Variants in RNF144A observed in about 807,000 individuals in gnomAD.
RNF144A encodes the protein E3 ubiquitin-protein ligase RNF144A.
In RNF144A, 11 loss-of-function variants were observed where a neutral mutation model predicts 38.7. That is an observed-to-expected ratio of 0.28 (90% confidence interval 0.18 to 0.47). The LOEUF (loss-of-function observed/expected upper bound fraction) is 0.47. Among genes scored for constraint, RNF144A ranks in the 20% least tolerant of loss-of-function variants. The probability of loss-of-function intolerance (pLI) is 0.99; values close to 1 mark genes in which losing one functional copy is unlikely to be tolerated. For missense variants in RNF144A, 316 were observed against 377.2 expected, an observed-to-expected ratio of 0.84 and a Z score of 1.34; for synonymous variants, 149 against 143.9, an observed-to-expected ratio of 1.04 and a Z score of -0.25.
At chr2:6,965,578 ACT>A (rs960420087) in intron 2 of RNF144A, among the ~76,000 whole-genome samples, 26 of 151,790 alleles carry the variant, frequency 1.7e-4, no homozygotes, top group Non-Finnish European at 3.4e-4. Context: ...TGGGGCGGTG[ACT>A]CTGTCTCAGT....
intron 3 of RNF144A, among the ~76,000 whole-genome samples, chr2:6,998,924 C>T (rs1158360870): frequency 2.0e-5 from 3 of 152,256 alleles, no homozygotes; most frequent in African/African-American, 7.2e-5. Context: ...TTTGCAGTCT[C>T]TGCAGTCGCC....
At chr2:6,992,683 G>C (rs1669471013) in intron 2 of RNF144A, among the ~76,000 whole-genome samples, 2 of 152,148 alleles carry the variant, frequency 1.3e-5, no homozygotes, top group African/African-American at 4.8e-5. Flanking sequence ...AAGAATAGGG[G>C]CCTACAGAGG....
In RNF144A at chr2:7,043,459, C is replaced by A; in HGVS notation, c.*3699C>A. 1.0e-6 allele frequency: 1 copy of A among 985,604 alleles called. No individual in the cohort carries two copies. The highest frequency in any genetic ancestry group is 1.2e-6 in the Non-Finnish European group (1 of 829,880). The allele number at this position is 985,604 out of a possible 1,614,324, so 61.1% of individuals were successfully genotyped here. A position where few individuals can be genotyped will look rare whatever the true frequency, so the allele number is the denominator to read the frequency against. On this transcript the variant is annotated 3_prime_UTR_variant, in exon 9 of 9. Coordinates refer to ENST00000320892, the MANE Select transcript of RNF144A (RefSeq NM_014746.6). Reference sequence around the variant, plus strand: ...AGATTCTCATTTATTAGTGAGCACACCTGTGTATATATATAAATCACAAGG... The same window carrying A: ...AGATTCTCATTTATTAGTGAGCACAACTGTGTATATATATAAATCACAAGG...
downstream of RNF144A, among the ~76,000 whole-genome samples, chr2:7,045,947 T>C (rs769556482): frequency 6.6e-6 from 1 of 152,118 alleles, no homozygotes; most frequent in Non-Finnish European, 1.5e-5. Context: ...TTAAGCAAAA[T>C]AAATCCATAT....
chr2:7,034,176 C>A (rs1452044887), intron 8 of RNF144A, among the ~76,000 whole-genome samples: 6 of 152,010 alleles, frequency 3.9e-5, no homozygotes, highest in African/African-American at 1.2e-4. Context: ...TCTAATGACA[C>A]CTAATAGTTC....
intron 6 of RNF144A, among the ~76,000 whole-genome samples, chr2:7,067,492 T>C (rs1572504122): frequency 6.6e-6 from 1 of 152,256 alleles, no homozygotes; most frequent in Non-Finnish European, 1.5e-5. Flanking sequence ...AGAAATCTTT[T>C]TGATTGGCTG....
intron 2 of RNF144A, among the ~76,000 whole-genome samples, chr2:6,961,490 A>G (rs1667335874): frequency 6.6e-6 from 1 of 152,160 alleles, no homozygotes; most frequent in South Asian, 2.1e-4. Flanking sequence ...CCTGCGATCC[A>G]GAGTATTTGA....
intron 2 of RNF144A, among the ~76,000 whole-genome samples, chr2:6,990,481 T>C (rs916471259): frequency 7.0e-6 from 1 of 143,682 alleles, no homozygotes; most frequent in Non-Finnish European, 1.5e-5. Flanking sequence ...ATAATATATA[T>C]AGCATAGCAT....
At chr2:6,984,171 C>T (rs373677076) in intron 2 of RNF144A, among the ~76,000 whole-genome samples, 4 of 152,126 alleles carry the variant, frequency 2.6e-5, no homozygotes, top group Admixed American at 2.0e-4. Context: ...TGTATCTTAC[C>T]GATTTATCTA....
chr2:6,956,251 G>C (rs1173555428), intron 2 of RNF144A, among the ~76,000 whole-genome samples: 1 of 151,492 alleles, frequency 6.6e-6, no homozygotes, highest in Non-Finnish European at 1.5e-5. Context: ...TTTTTCGGGG[G>C]GTGGGGGATA....
chr2:7,072,557 T>C (rs537248556), downstream of RNF144A, among the ~76,000 whole-genome samples: 1 of 152,356 alleles, frequency 6.6e-6, no homozygotes, highest in South Asian at 2.1e-4. Context: ...CATCTGTCTC[T>C]CCTCTTCCTA....
intron 3 of RNF144A, among the ~76,000 whole-genome samples, chr2:7,000,917 A>G (rs1670058152): frequency 6.6e-6 from 1 of 151,672 alleles, no homozygotes; most frequent in Admixed American, 6.6e-5. Flanking sequence ...CTATTTTTAT[A>G]CCAGCTATTT....
intron 2 of RNF144A, among the ~76,000 whole-genome samples, chr2:6,949,200 C>T (rs1174418211): frequency 1.3e-5 from 2 of 152,134 alleles, no homozygotes; most frequent in Non-Finnish European, 2.9e-5. Context: ...TTTGAAGAAT[C>T]AGAATGAAGA....
intron 1 of RNF144A, among the ~76,000 whole-genome samples, chr2:6,922,043 G>A (rs1387356068): frequency 6.6e-6 from 1 of 152,208 alleles, no homozygotes; most frequent in Non-Finnish European, 1.5e-5. Flanking sequence ...GGTCCCATCA[G>A]TGCATTTTCC....
rs1232053805 is a variant in RNF144A at position 6,941,694 on chromosome 2, G to A, written c.-12+547G>A. On this transcript the variant is annotated intron_variant, in intron 2 of 8. Transcript: ENST00000320892. The surrounding 1 kb of genome is among the most constrained non-coding windows in gnomAD (Gnocchi z 6.5). ...AGAAAAAGTAGACCATGTCTAGTAC[G>A]ACGGGGCAGGTTGCAGTTTTAAGTG... 2.0e-5 allele frequency among the ~76,000 whole-genome samples: 3 copies of A among 152,378 alleles called. No individual in the cohort carries two copies. Among genetic ancestry groups the A allele is most frequent in the East Asian group, 3.9e-4 (2 of 5,180 alleles).
At chr2:7,018,478 G>A (rs1029065577) in intron 5 of RNF144A, among the ~76,000 whole-genome samples, 1 of 152,164 alleles carries the variant, frequency 6.6e-6, no homozygotes, top group African/African-American at 2.4e-5. Context: ...TTAGCCTTTG[G>A]CGTTTCCTCC....
chr2:6,948,710 G>A (rs1484471436), intron 2 of RNF144A, among the ~76,000 whole-genome samples: 1 of 152,222 alleles, frequency 6.6e-6, no homozygotes, highest in Non-Finnish European at 1.5e-5. Flanking sequence ...ATTCCAAATG[G>A]AAGTGATTTA....
intron 3 of RNF144A, among the ~76,000 whole-genome samples, chr2:7,001,507 T>C (rs751616074): frequency 4.6e-5 from 7 of 151,722 alleles, no homozygotes; most frequent in Non-Finnish European, 8.8e-5. Context: ...TGAGACCTTG[T>C]CTCTACAAAA....
At chr2:6,968,876 T>C (rs911889316) in intron 2 of RNF144A, among the ~76,000 whole-genome samples, 3 of 152,224 alleles carry the variant, frequency 2.0e-5, no homozygotes, top group Middle Eastern at 3.4e-3. Flanking sequence ...GGCTGTCCCA[T>C]GGAGTCCCTG....
Sources: allele counts gnomAD v4.1 joint callset (sites outside exome capture counted in the v4.1 genomes callset), GRCh38; gene constraint gnomAD v4.1.1; non-coding constraint Gnocchi (gnomAD v3.1); transcripts MANE v1.5; gene names NCBI Gene and HGNC (gene_info 2026-07-23, HGNC 2026-07-21).